Variants in UGT2B7 observed in about 807,000 individuals in gnomAD.
The protein encoded by UGT2B7 is UDP-glucuronosyltransferase 2B7.
A neutral mutation model predicts 51.9 loss-of-function variants in UGT2B7; 51 were observed. That is an observed-to-expected ratio of 0.98 (90% confidence interval 0.78 to 1.24). The LOEUF (loss-of-function observed/expected upper bound fraction) is 1.24. UGT2B7 is among the 50% of genes most tolerant of loss of function. The pLI, the probability that UGT2B7 is intolerant of heterozygous loss-of-function variation, is 0.00. For synonymous variants in UGT2B7, 225 were observed against 211.6 expected, an observed-to-expected ratio of 1.06 and a Z score of -0.55; for missense variants, 727 against 628.4, an observed-to-expected ratio of 1.16 and a Z score of -1.68.
chr4:69,105,536 AG>A (rs1412966621), intron 3 of UGT2B7, among the ~76,000 whole-genome samples: 2 of 152,220 alleles, frequency 1.3e-5, no homozygotes, highest in Non-Finnish European at 2.9e-5. Context: ...CTATTGTCAA[AG>A]CTTTGTAGCA....
chr4:69,098,474 C>G, intron 1 of UGT2B7, 66 bp from the exon 2 acceptor site: 1 of 1,564,422 alleles, frequency 6.4e-7, no homozygotes, highest in Non-Finnish European at 8.6e-7. Flanking sequence ...ATTCTAACCC[C>G]TTTCAGAAAT....
At chr4:69,111,424 C>T (rs141321591) in intron 5 of UGT2B7, among the ~76,000 whole-genome samples, 80 of 152,200 alleles carry the variant, frequency 5.3e-4, no homozygotes, top group African/African-American at 1.9e-3. Flanking sequence ...AGCTATGAGG[C>T]ACGTCACTCA....
intron 5 of UGT2B7, 146 bp downstream of exon 5, chr4:69,108,468 A>G (rs1424070814): frequency 1.9e-6 from 2 of 1,062,158 alleles, no homozygotes; most frequent in Non-Finnish European, 1.3e-6. Context: ...TTTTATTTTT[A>G]TAAGTTATTT....
chr4:69,078,866 T>A (rs998750516), intron 1 of UGT2B7, among the ~76,000 whole-genome samples: 1 of 152,092 alleles, frequency 6.6e-6, no homozygotes, highest in Non-Finnish European at 1.5e-5. Context: ...CTGCACCGCC[T>A]GGTGACAAGT....
At chr4:69,065,317 G>A (rs1241953516) in intron 1 of UGT2B7, among the ~76,000 whole-genome samples, 1 of 152,118 alleles carries the variant, frequency 6.6e-6, no homozygotes, top group African/African-American at 2.4e-5. Flanking sequence ...ACTGGATTTG[G>A]CCAATATCTG....
At chr4:69,096,325 TC>T (rs1199283610), upstream of UGT2B7, 10 of 816,524 alleles carry the variant, frequency 1.2e-5, no homozygotes, top group Admixed American at 3.1e-4. Flanking sequence ...ATTAATCACA[TC>T]TGTGTGAACA....
chr4:69,073,817 G>A (rs1316956658), intron 1 of UGT2B7, among the ~76,000 whole-genome samples: 3 of 152,150 alleles, frequency 2.0e-5, no homozygotes, highest in African/African-American at 7.2e-5. Context: ...GTTTTAATCT[G>A]TTTACTGACA....
intron 3 of UGT2B7, among the ~76,000 whole-genome samples, 178 bp downstream of exon 3, chr4:69,103,116 T>TA (rs397737568): frequency 2.6e-5 from 4 of 151,164 alleles, no homozygotes; most frequent in Admixed American, 6.6e-5. Context: ...CATTTTTTTT[T>TA]AAATGGTGTT....
intron 5 of UGT2B7, among the ~76,000 whole-genome samples, chr4:69,111,206 G>GTGTT (rs1450305384): frequency 6.6e-6 from 1 of 152,176 alleles, no homozygotes; most frequent in Non-Finnish European, 1.5e-5. Context: ...CAGGGGAAAA[G>GTGTT]TGTTAGGAAA....
chr4:69,063,568 T>G (rs907716452), intron 1 of UGT2B7, among the ~76,000 whole-genome samples: 7 of 152,044 alleles, frequency 4.6e-5, no homozygotes, highest in African/African-American at 1.7e-4. Flanking sequence ...TCAGACTGCC[T>G]CCTAGCCCAA....
At chr4:69,086,842 G>T (rs1290036887) in intron 1 of UGT2B7, among the ~76,000 whole-genome samples, 1 of 151,498 alleles carries the variant, frequency 6.6e-6, no homozygotes, top group Non-Finnish European at 1.5e-5. Context: ...TTTTCTTTTA[G>T]TCTGTGTACA....
At chr4:69,091,544 T>C (rs891505500), upstream of UGT2B7, among the ~76,000 whole-genome samples, 2 of 152,224 alleles carry the variant, frequency 1.3e-5, no homozygotes, top group African/African-American at 4.8e-5. Flanking sequence ...AGCGTGGCCA[T>C]TCATATTTAA....
upstream of UGT2B7, among the ~76,000 whole-genome samples, chr4:69,093,105 G>C (rs57216626): frequency 0.58 from 87,663 of 151,844 alleles, 26,299 homozygotes; most frequent in African/African-American, 0.71. Context: ...TGTGAGCTCT[G>C]TCCCAGGGAG....
Position 69,108,229 on chromosome 4 carries a change from T to C in UGT2B7, c.1217T>C (p.Met406Thr), listed in dbSNP as rs200539544. The change falls in exon 5 of 6, where the codon ATG becomes ACG. Residue 406 changes from methionine to threonine, a missense_variant. Physicochemically the swap from Met to Thr is moderately conservative, Grantham distance 81. Coordinates refer to ENST00000305231, the MANE Select transcript of UGT2B7 (RefSeq NM_001074.4). ...GATCAACCTGATAACATTGCTCACATGAAGGCCAGGGGAGCAGCTGTTAGA... is the reference window on the plus strand; with the variant it reads ...GATCAACCTGATAACATTGCTCACACGAAGGCCAGGGGAGCAGCTGTTAGA... ...FADQPDNIAHMKARGAAVRVD... is the reference protein window; with the variant it reads ...FADQPDNIAHTKARGAAVRVD... 87 of 1,613,806 alleles carry C rather than the reference T, an allele frequency of 5.4e-5. No individual in the cohort carries two copies. Among genetic ancestry groups the C allele is most frequent in the Non-Finnish European group, 7.1e-5 (84 of 1,179,736 alleles).
chr4:69,107,345 G>T, intron 4 of UGT2B7, 83 bp downstream of exon 4: 1 of 1,405,450 alleles, frequency 7.1e-7, no homozygotes, highest in Admixed American at 2.4e-5. Flanking sequence ...CAAGCTTATT[G>T]AATATTTGTT....
intron 3 of UGT2B7, 101 bp downstream of exon 3, chr4:69,103,039 C>G (rs533330594): frequency 3.0e-4 from 451 of 1,516,542 alleles, no homozygotes; most frequent in Non-Finnish European, 3.8e-4. Context: ...TGAAGTTGAC[C>G]AAAAGTTGAA....
chr4:69,064,019 GGAAAGAAAGAAA>G (rs71204072), intron 1 of UGT2B7, among the ~76,000 whole-genome samples: 1,572 of 59,920 alleles, frequency 0.026, 40 homozygotes, highest in Middle Eastern at 0.042. Context: ...AGATGAGATG[GGAAAGAAAGAAA>G]GAAAGAAAGA....
At chr4:69,089,904 C>T (rs544684486) in intron 2 of UGT2B7, among the ~76,000 whole-genome samples, 1 of 152,140 alleles carries the variant, frequency 6.6e-6, no homozygotes, top group East Asian at 1.9e-4. Context: ...GCTGACTACT[C>T]AAAAACAACA....
At chr4:69,111,400 G>A (rs1719765825) in intron 5 of UGT2B7, among the ~76,000 whole-genome samples, 1 of 152,098 alleles carries the variant, frequency 6.6e-6, no homozygotes, top group African/African-American at 2.4e-5. Flanking sequence ...GAGTAATGTA[G>A]AAGCAAAGTG....
Sources: allele counts gnomAD v4.1 joint callset (sites outside exome capture counted in the v4.1 genomes callset), GRCh38; gene constraint gnomAD v4.1.1; transcripts MANE v1.5; gene names NCBI Gene and HGNC (gene_info 2026-07-23, HGNC 2026-07-21).